STPG2: variants seen among roughly 807,000 people sequenced by gnomAD.
The protein encoded by STPG2 is sperm tail PG-rich repeat containing 2.
STPG2 carries 56 observed loss-of-function variants against 54.2 expected under a neutral mutation model. The observed-to-expected ratio is 1.03, with a 90% CI of 0.83 to 1.29. STPG2 has a LOEUF of 1.29. Among genes scored for constraint, STPG2 ranks in the 50% most tolerant of loss-of-function variants. STPG2 has a pLI of 0.00. For synonymous variants in STPG2, 200 were observed against 181.8 expected (o/e 1.10, Z -0.81); for missense variants, 596 against 544.9 (o/e 1.09, Z -0.93).
At chr4:97,944,461 T>C (rs993778068) in intron 7 of STPG2, among the ~76,000 whole-genome samples, 2 of 152,062 alleles carry the variant, frequency 1.3e-5, no homozygotes, top group African/African-American at 4.8e-5. Context: ...CTCTTAAATA[T>C]CATAATTCTT....
At chr4:97,898,114 C>T (rs570944029) in intron 8 of STPG2, among the ~76,000 whole-genome samples, 310 of 152,148 alleles carry the variant, frequency 2.0e-3, no homozygotes, top group African/African-American at 6.0e-3. Context: ...ATTCAATCTT[C>T]GGCATATGGC....
chr4:98,123,252 G>A (rs953748671), intron 3 of STPG2, among the ~76,000 whole-genome samples: 2 of 151,986 alleles, frequency 1.3e-5, no homozygotes, highest in African/African-American at 2.4e-5. Flanking sequence ...GTTTGCTCTC[G>A]ATTCTCTAGT....
chr4:97,442,661 C>T (rs1578301157), intron 4 of STPG2, among the ~76,000 whole-genome samples: 1 of 152,190 alleles, frequency 6.6e-6, no homozygotes, highest in East Asian at 1.9e-4. Flanking sequence ...TAACAGAGGG[C>T]TTCGAATGGA....
At chr4:97,579,529 A>T (rs910843240) in intron 10 of STPG2, among the ~76,000 whole-genome samples, 2 of 152,124 alleles carry the variant, frequency 1.3e-5, no homozygotes, top group Admixed American at 1.3e-4. Context: ...CTCCATTTTA[A>T]AATAATCACA....
intron 10 of STPG2, among the ~76,000 whole-genome samples, chr4:97,559,719 C>T (rs2148872924): frequency 6.6e-6 from 1 of 152,220 alleles, no homozygotes; most frequent in South Asian, 2.1e-4. Flanking sequence ...TCTCTCTTTT[C>T]TACTCTGGAG....
intron 9 of STPG2, among the ~76,000 whole-genome samples, chr4:97,824,581 C>A (rs1358598291): frequency 6.6e-6 from 1 of 152,140 alleles, no homozygotes; most frequent in Admixed American, 6.5e-5. Flanking sequence ...GACAGCACAG[C>A]AAACTGGTCA....
chr4:98,128,982 C>G (rs112584618), intron 2 of STPG2, among the ~76,000 whole-genome samples: 5,981 of 152,224 alleles, frequency 0.039, 387 homozygotes, highest in African/African-American at 0.14. Flanking sequence ...GATCTGCCAG[C>G]CTCGGCCTCC....
At chr4:97,696,823 C>G (rs1723593808) in intron 10 of STPG2, among the ~76,000 whole-genome samples, 1 of 152,144 alleles carries the variant, frequency 6.6e-6, no homozygotes, top group Non-Finnish European at 1.5e-5. Context: ...ATCAAACCCA[C>G]AATGTAATAC....
chr4:98,035,634 G>A (rs1736750503), intron 5 of STPG2, among the ~76,000 whole-genome samples: 1 of 152,078 alleles, frequency 6.6e-6, no homozygotes, highest in Admixed American at 6.6e-5. Context: ...CTACTATAAA[G>A]ACACATGCAC....
chr4:97,506,591 T>C, intron 4 of STPG2, among the ~76,000 whole-genome samples: 1 of 151,984 alleles, frequency 6.6e-6, no homozygotes, highest in East Asian at 1.9e-4. Context: ...ATAATGACTA[T>C]AATAAATAAT....
chr4:98,009,050 T>C (rs1226565918), intron 5 of STPG2, among the ~76,000 whole-genome samples: 1 of 125,758 alleles, frequency 8.0e-6, no homozygotes, highest in East Asian at 2.1e-4. Context: ...CCCAGGTTTG[T>C]CAATTTTGTT....
chr4:98,094,645 C>T (rs555880052), intron 5 of STPG2, among the ~76,000 whole-genome samples: 4 of 152,256 alleles, frequency 2.6e-5, no homozygotes, highest in African/African-American at 7.2e-5. Flanking sequence ...AGGCAGCATT[C>T]ATCACAAACT....
intron 10 of STPG2, among the ~76,000 whole-genome samples, chr4:97,622,061 A>T (rs1605637): frequency 0.64 from 97,095 of 151,954 alleles, 31,387 homozygotes; most frequent in African/African-American, 0.73. Flanking sequence ...GAAAACAGTT[A>T]CAATAGAATT....
intron 4 of STPG2, among the ~76,000 whole-genome samples, chr4:97,479,353 C>T (rs1188627339): frequency 2.0e-5 from 3 of 151,902 alleles, no homozygotes; most frequent in Non-Finnish European, 4.4e-5. Flanking sequence ...TTACACTTAG[C>T]ATGACAACCT....
At chr4:97,892,339 C>T (rs1312229928) in intron 8 of STPG2, among the ~76,000 whole-genome samples, 1 of 152,126 alleles carries the variant, frequency 6.6e-6, no homozygotes, top group Admixed American at 6.6e-5. Context: ...CCTTTCACAT[C>T]ACTTGCACTC....
intron 7 of STPG2, among the ~76,000 whole-genome samples, chr4:97,965,283 G>A (rs1482939256): frequency 6.6e-6 from 1 of 152,192 alleles, no homozygotes; most frequent in Non-Finnish European, 1.5e-5. Context: ...CAGCCAGCCA[G>A]GGGGAGGGGT....
At chr4:97,763,172 T>C (rs534417022) in intron 9 of STPG2, among the ~76,000 whole-genome samples, 1 of 152,290 alleles carries the variant, frequency 6.6e-6, no homozygotes, top group South Asian at 2.1e-4. Context: ...TGGTGCATAA[T>C]ACAGGAATAT....
At chr4:97,779,657 A>G (rs1480115956) in intron 9 of STPG2, among the ~76,000 whole-genome samples, 1 of 152,234 alleles carries the variant, frequency 6.6e-6, no homozygotes, top group Non-Finnish European at 1.5e-5. Flanking sequence ...AAATGAAAGA[A>G]AAAATATTAA....
chr4:97,846,641 A>C (rs899595181), intron 8 of STPG2, among the ~76,000 whole-genome samples: 4 of 151,268 alleles, frequency 2.6e-5, no homozygotes, highest in African/African-American at 9.7e-5. Flanking sequence ...AAAAAAAAAA[A>C]AAAAACACAG....
Sources: allele counts gnomAD v4.1 joint callset (sites outside exome capture counted in the v4.1 genomes callset), GRCh38; gene constraint gnomAD v4.1.1; transcripts MANE v1.5; gene names NCBI Gene and HGNC (gene_info 2026-07-23, HGNC 2026-07-21).